Variants in FPR2 observed in about 807,000 individuals in gnomAD.
The protein encoded by FPR2 is N-formyl peptide receptor 2.
FPR2 carries 3 observed loss-of-function variants against 4.0 expected under a neutral mutation model. That is an observed-to-expected ratio of 0.74 (90% CI 0.34 to 1.92). The LOEUF (loss-of-function observed/expected upper bound fraction) is 1.92. Among genes scored for constraint, FPR2 ranks in the 30% most tolerant of loss-of-function variants. FPR2 has a pLI of 0.07. For missense variants in FPR2, 372 were observed against 435.7 expected, an observed-to-expected ratio of 0.85 and a Z score of 1.30; for synonymous variants, 179 against 171.5, an observed-to-expected ratio of 1.04 and a Z score of -0.34.
chr19:51,762,701 C>T (rs1350444162), intron 1 of FPR2: 1 of 152,174 alleles, frequency 6.6e-6, no homozygotes, highest in Non-Finnish European at 1.5e-5. Flanking sequence ...CCTTATTGAA[C>T]TTTTTAAAAG....
chr19:51,763,396 A>G (rs2083851677), intron 1 of FPR2: 1 of 152,206 alleles, frequency 6.6e-6, no homozygotes, highest in Non-Finnish European at 1.5e-5. Flanking sequence ...AAGCGATCCA[A>G]TGGGAAGAAG....
rs1363867864 is a variant in FPR2 at position 51,761,235 on chromosome 19, G to A, written c.-15+5G>A. The A allele has an allele frequency of 6.6e-6, 1 of 152,270 alleles. No individual in the cohort carries two copies. The highest frequency in any genetic ancestry group is 1.5e-5 in the Non-Finnish European group (1 of 68,068). The allele number at this position is 152,270 out of a possible 1,614,324, so 9.4% of individuals were successfully genotyped here. A position where few individuals can be genotyped will look rare whatever the true frequency, so the allele number is the denominator to read the frequency against. On this transcript the variant is annotated splice_donor_5th_base_variant and intron_variant, in intron 1 of 1. Transcript: ENST00000340023. ...GGAAAAGGAGCTTAGCTGCTGGTAA[G>A]TTGGGGACTGACAATTTAAAATTTA...
chr19:51,761,600 A>T (rs1037943512), intron 1 of FPR2, among the ~76,000 whole-genome samples: 9 of 152,146 alleles, frequency 5.9e-5, no homozygotes, highest in African/African-American at 2.2e-4. Flanking sequence ...GCTGGCATTT[A>T]GGGCTTGCAT....
chr19:51,768,866 G>A lies in FPR2; in HGVS notation c.208G>A (p.Ala70Thr). 1.9e-6 allele frequency: 3 copies of A among 1,614,178 alleles called. No individual in the cohort carries two copies. The highest frequency in any genetic ancestry group is 2.5e-6 in the Non-Finnish European group (3 of 1,180,032). The change falls in exon 2 of 2, where the codon GCT becomes ACT. Residue 70 changes from alanine (A) to threonine (T), a missense_variant. By Grantham distance (58) the Ala-to-Thr change is moderately conservative (BLOSUM62 0). Transcript: ENST00000340023. ...TTICYLNLAL[A>T]DFSFTATLPF... ...CATCTGTTACCTGAACCTGGCCCTG[G>A]CTGACTTTTCTTTCACGGCCACATT...
intron 1 of FPR2, among the ~76,000 whole-genome samples, chr19:51,765,927 A>G (rs2122358757): frequency 6.7e-6 from 1 of 150,012 alleles, no homozygotes; most frequent in South Asian, 2.2e-4. Flanking sequence ...TTCAGAGCCC[A>G]GTATATATAT....
In FPR2 at chr19:51,769,564, C is replaced by T. The variant is rs143928920; in HGVS notation, c.906C>T (p.Tyr302=). The part of the protein sequence containing the change: ...FFNSCLNPML[Y]VFVGQDFRER... ...ACAGCTGCCTCAACCCCATGCTTTA[C>T]GTCTTTGTGGGCCAAGACTTCCGAG... is the stretch of plus-strand genomic sequence containing the variant. Residue 302 remains tyrosine (Y), a synonymous_variant, in exon 2 of 2, where the codon TAC becomes TAT. Transcript: ENST00000340023. The surrounding 1 kb of genome is among the most constrained non-coding windows in gnomAD (Gnocchi z 4.4). 9.9e-6 allele frequency: 16 copies of T among 1,614,188 alleles called. No homozygotes were observed. Among genetic ancestry groups the T allele is most frequent in the East Asian group, 4.5e-5 (2 of 44,884 alleles).
At chr19:51,765,494 ACT>A (rs1239652260) in intron 1 of FPR2, among the ~76,000 whole-genome samples, 39 of 152,354 alleles carry the variant, frequency 2.6e-4, no homozygotes, top group African/African-American at 8.9e-4. Context: ...ATCAATATTC[ACT>A]GTGTCTCAGG....
At chr19:51,767,761 C>A (rs1312341703) in intron 1 of FPR2, among the ~76,000 whole-genome samples, 1 of 152,128 alleles carries the variant, frequency 6.6e-6, no homozygotes, top group Non-Finnish European at 1.5e-5. Flanking sequence ...TTGCCCTGAG[C>A]TTTCATTTAT....
chr19:51,766,080 C>T (rs936980965), intron 1 of FPR2, among the ~76,000 whole-genome samples: 5 of 152,160 alleles, frequency 3.3e-5, no homozygotes, highest in African/African-American at 1.2e-4. Context: ...CCACCAGGCC[C>T]GGCTAATTTT....
chr19:51,766,369 C>T (rs1333989810), intron 1 of FPR2, among the ~76,000 whole-genome samples: 1 of 93,426 alleles, frequency 1.1e-5, no homozygotes, highest in Non-Finnish European at 2.4e-5. Context: ...AGGGGGGCTG[C>T]TCAACATCCT....
At chr19:51,768,024 A>G (rs919035938) in intron 1 of FPR2, among the ~76,000 whole-genome samples, 3 of 152,122 alleles carry the variant, frequency 2.0e-5, no homozygotes, top group Admixed American at 6.6e-5. Flanking sequence ...GAAAGCAGAG[A>G]TGGAACTCTC....
intron 1 of FPR2, among the ~76,000 whole-genome samples, chr19:51,761,922 C>T (rs544378837): frequency 2.8e-4 from 43 of 152,138 alleles, no homozygotes; most frequent in Non-Finnish European, 6.0e-4. Context: ...AATCAGAGCC[C>T]GTTATGGGTG....
intron 1 of FPR2, among the ~76,000 whole-genome samples, chr19:51,766,523 G>A (rs757841448): frequency 6.6e-6 from 1 of 152,160 alleles, no homozygotes; most frequent in Non-Finnish European, 1.5e-5. Context: ...AGGAAGAAAA[G>A]GAGGAAATAA....
chr19:51,770,522 G>C lies in FPR2; in HGVS notation c.*808G>C, dbSNP rs1388494654. The C allele has an allele frequency of 1.8e-5, 3 of 167,086 alleles. No homozygotes were observed. Among genetic ancestry groups the C allele is most frequent in the Non-Finnish European group, 4.4e-5 (3 of 68,122 alleles). 10.4% of individuals were successfully genotyped at this position (167,086 alleles called of 1,614,324 possible). On this transcript the variant is annotated 3_prime_UTR_variant, in exon 2 of 2. Coordinates refer to ENST00000340023, the MANE Select transcript of FPR2 (RefSeq NM_001005738.2). ...ATTAAATATTCAGAAAAATTCACCA[G>C]TGAAGCCAACTTGGTCTTGTGTTTT...
In FPR2 at chr19:51,769,325, C is replaced by T. The variant is rs1216306730; in HGVS notation, c.667C>T (p.Leu223Phe). Residue 223 changes from leucine (L) to phenylalanine (F), a missense_variant, in exon 2 of 2, where the codon CTC (leucine) becomes TTC (phenylalanine). Transcript: ENST00000340023. The surrounding 1 kb of genome is among the most constrained non-coding windows in gnomAD (Gnocchi z 4.4). ...PMSIVAICYG[L>F]IAAKIHKKGM... The stretch of plus-strand genomic sequence containing the variant: ...GTCCATTGTTGCCATCTGCTATGGG[C>T]TCATTGCAGCCAAGATCCACAAAAA... The T allele has an allele frequency of 1.9e-6, 3 of 1,614,182 alleles. No individual in the cohort carries two copies. The highest frequency in any genetic ancestry group is 1.3e-5 in the African/African-American group (1 of 75,020).
intron 1 of FPR2, chr19:51,762,767 G>C (rs549852039): frequency 6.6e-6 from 1 of 152,304 alleles, no homozygotes; most frequent in African/African-American, 2.4e-5. Context: ...GTAGGACCAG[G>C]AACAACCTAT....
intron 1 of FPR2, among the ~76,000 whole-genome samples, chr19:51,767,718 T>C (rs2083875816): frequency 6.6e-6 from 1 of 152,150 alleles, no homozygotes; most frequent in Non-Finnish European, 1.5e-5. Flanking sequence ...ATCTATTATC[T>C]ACTACCTAAG....
At chr19:51,768,363 A>G (rs776810424) in intron 1 of FPR2, 20 of 329,424 alleles carry the variant, frequency 6.1e-5, no homozygotes, top group Non-Finnish European at 1.1e-4. Context: ...CATTGTCCAT[A>G]CAACATAAGT....
chr19:51,768,390 A>G, intron 1 of FPR2: 1 of 431,118 alleles, frequency 2.3e-6, no homozygotes, highest in Non-Finnish European at 4.2e-6. Context: ...TGAGCCTTGT[A>G]ATCCTCTTGG....
Sources: allele counts gnomAD v4.1 joint callset (sites outside exome capture counted in the v4.1 genomes callset), GRCh38; gene constraint gnomAD v4.1.1; non-coding constraint Gnocchi (gnomAD v3.1); transcripts MANE v1.5; gene names NCBI Gene and HGNC (gene_info 2026-07-23, HGNC 2026-07-21).